NIPSNAP2: variants seen among roughly 807,000 people sequenced by gnomAD.
NIPSNAP2 encodes the protein nipsnap homolog 2, also known as protein NipSnap homolog 2.
NIPSNAP2 carries 42 observed loss-of-function variants against 48.4 expected under a neutral mutation model. That is an observed-to-expected ratio of 0.87 (90% confidence interval 0.68 to 1.12). The LOEUF is 1.12. NIPSNAP2 is among the 50% of genes most tolerant of loss of function. NIPSNAP2 has a pLI of 0.00. For synonymous variants in NIPSNAP2, 158 were observed against 126.6 expected, an observed-to-expected ratio of 1.25 and a Z score of -1.67; for missense variants, 314 against 347.3, an observed-to-expected ratio of 0.90 and a Z score of 0.76.
At chr7:55,974,932 G>A (rs546437664) in intron 1 of NIPSNAP2, among the ~76,000 whole-genome samples, 3 of 151,872 alleles carry the variant, frequency 2.0e-5, no homozygotes, top group Admixed American at 6.6e-5. Flanking sequence ...GTTCACACTG[G>A]CCCATCAGCA....
At chr7:55,989,639 AATTAAG>A (rs763014331) in intron 7 of NIPSNAP2, among the ~76,000 whole-genome samples, 38 of 152,028 alleles carry the variant, frequency 2.5e-4, no homozygotes, top group Non-Finnish European at 5.1e-4. Flanking sequence ...AAGCCTCAAT[AATTAAG>A]AGGGATGCAA....
At chr7:55,988,117 C>T (rs1787368365) in intron 7 of NIPSNAP2, among the ~76,000 whole-genome samples, 1 of 151,966 alleles carries the variant, frequency 6.6e-6, no homozygotes, top group Non-Finnish European at 1.5e-5. Context: ...CAAAAATTAA[C>T]CAGGTGTGGT....
chr7:55,998,831 A>C (rs1275496172), intron 9 of NIPSNAP2, among the ~76,000 whole-genome samples, 177 bp from the exon 10 acceptor site: 2 of 152,148 alleles, frequency 1.3e-5, no homozygotes, highest in African/African-American at 4.8e-5. Context: ...GTAGGATGGC[A>C]GCTGATACAG....
chr7:55,967,668 A>G (rs1786925229), intron 1 of NIPSNAP2, among the ~76,000 whole-genome samples: 1 of 105,448 alleles, frequency 9.5e-6, no homozygotes, highest in South Asian at 2.7e-4. Flanking sequence ...TATTTATTTG[A>G]GACAGAGTGT....
chr7:55,983,686 AAGTATC>A (rs1366474587), intron 5 of NIPSNAP2, 36 bp from the exon 6 acceptor site: 1 of 1,602,926 alleles, frequency 6.2e-7, no homozygotes, highest in South Asian at 1.1e-5. Flanking sequence ...GCTTATATGT[AAGTATC>A]AGAAGATTTC....
intron 1 of NIPSNAP2, among the ~76,000 whole-genome samples, chr7:55,967,256 T>A (rs557267569): frequency 9.8e-5 from 15 of 152,360 alleles, no homozygotes; most frequent in African/African-American, 3.4e-4. Context: ...ATTTTCCATG[T>A]GGTGGCCCAG....
intron 3 of NIPSNAP2, chr7:55,980,276 G>T: frequency 6.1e-6 from 1 of 164,112 alleles, no homozygotes; most frequent in Non-Finnish European, 1.3e-5. Flanking sequence ...CACTATACTG[G>T]GTCATAAAGA....
chr7:55,984,218 A>T (rs1787280624), intron 6 of NIPSNAP2, among the ~76,000 whole-genome samples: 1 of 152,192 alleles, frequency 6.6e-6, no homozygotes, highest in Admixed American at 6.5e-5. Context: ...ATATAACATG[A>T]TAAGAGTAAA....
chr7:55,992,497 G>A (rs953764876), intron 7 of NIPSNAP2, among the ~76,000 whole-genome samples: 4 of 152,060 alleles, frequency 2.6e-5, no homozygotes, highest in African/African-American at 4.8e-5. Flanking sequence ...CTTAAAAAAG[G>A]AGATTGGCTT....
intron 3 of NIPSNAP2, chr7:55,979,672 A>G (rs938176139): frequency 9.3e-6 from 4 of 428,590 alleles, no homozygotes; most frequent in South Asian, 6.8e-5. Context: ...CTGCCCTGCA[A>G]TACATTACCC....
intron 7 of NIPSNAP2, among the ~76,000 whole-genome samples, chr7:55,989,721 C>T (rs1440342109): frequency 6.6e-6 from 1 of 152,192 alleles, no homozygotes; most frequent in Non-Finnish European, 1.5e-5. Flanking sequence ...AAGAAAAACA[C>T]TAGTGACATT....
In NIPSNAP2 at chr7:55,983,594, A is replaced by T. The variant is rs552020571; in HGVS notation, c.445-134A>T. 1.1e-4 allele frequency: 80 copies of T among 714,534 alleles called. 4 individuals are homozygous for T. In the East Asian group the frequency reaches 2.1e-3, roughly 18 times the overall value. 44.3% of individuals were successfully genotyped at this position (714,534 alleles called of 1,614,324 possible). A position where few individuals can be genotyped will look rare whatever the true frequency, so the allele number is the denominator to read the frequency against. ...GATTATGCAAGCTCAACAGATGTAA[A>T]CTGGGACTGTCTCAGGCCAACTGGG... On this transcript the variant is annotated intron_variant, in intron 5 of 9. Coordinates refer to ENST00000322090, the MANE Select transcript of NIPSNAP2 (RefSeq NM_001483.3).
intron 1 of NIPSNAP2, chr7:55,965,299 A>T (rs1786869520): frequency 6.6e-6 from 1 of 151,670 alleles, no homozygotes; most frequent in Non-Finnish European, 1.5e-5. Flanking sequence ...AAGTACTTAG[A>T]GTTATCAGCA....
chr7:55,977,055 T>G (rs951062963), intron 1 of NIPSNAP2, among the ~76,000 whole-genome samples: 4 of 151,130 alleles, frequency 2.6e-5, no homozygotes, highest in Non-Finnish European at 1.5e-5. Context: ...GTGGGGGCAG[T>G]TAAAAAATTT....
At chr7:55,978,575 A>G (rs1787150942) in intron 3 of NIPSNAP2, 180 bp downstream of exon 3, 9 of 600,816 alleles carry the variant, frequency 1.5e-5, no homozygotes, top group South Asian at 4.3e-5. Flanking sequence ...GATTTTAAGC[A>G]CTCACACAGC....
chr7:55,981,910 G>A (rs1441193073), intron 4 of NIPSNAP2: 5 of 319,366 alleles, frequency 1.6e-5, no homozygotes, highest in Admixed American at 9.1e-5. Context: ...GGGTTTAAGC[G>A]ATTCTTCTGC....
At chr7:55,967,632 A>ATTATTTATTTATTTATTTATTTATTTAT (rs61430146) in intron 1 of NIPSNAP2, among the ~76,000 whole-genome samples, 1 of 142,708 alleles carries the variant, frequency 7.0e-6, no homozygotes, top group African/African-American at 2.6e-5. Context: ...ATGCCCAGCT[A>ATTATTTATTTATTTATTTATTTATTTAT]TTATTTATTT....
In NIPSNAP2 at chr7:55,996,025, C is replaced by T. The variant is rs184314180; in HGVS notation, c.712+1037C>T. Among the ~76,000 whole-genome samples the T allele has an allele frequency of 1.6e-4, 25 of 152,184 alleles. No individual in the cohort carries two copies. The East Asian group carries it at 4.1e-3, about 25-fold the overall frequency. ...GATATTGGCTGGGCACAGTGGTTCA[C>T]GCCTATAATCCCAGCACTTTGGGAG... On this transcript the variant is annotated intron_variant, in intron 8 of 9. Transcript: ENST00000322090.
chr7:55,985,285 T>G lies in NIPSNAP2; in HGVS notation c.617+407T>G, dbSNP rs144713151. Among the ~76,000 whole-genome samples the G allele has an allele frequency of 5.9e-3, 901 of 152,350 alleles. 8 individuals are homozygous for G. The highest frequency in any genetic ancestry group is 0.019 in the African/African-American group (809 of 41,584). ...GTTTACATACTTCTTGGATATCATC[T>G]TTTCTGAAACGTTACTTTTGTCATA... On this transcript the variant is annotated intron_variant, in intron 7 of 9. Transcript: ENST00000322090.
Sources: gnomAD v4.1 joint callset for allele counts (sites outside exome capture counted in the v4.1 genomes callset) on GRCh38, gnomAD v4.1.1 for gene constraint, MANE v1.5 for transcripts, NCBI Gene and HGNC (gene_info 2026-07-23, HGNC 2026-07-21) for gene names.